Variants in PPFIA3 observed in about 807,000 individuals in gnomAD.
PPFIA3 encodes liprin-alpha-3.
A neutral mutation model predicts 145.8 loss-of-function variants in PPFIA3; 26 were observed. That is an observed-to-expected ratio of 0.18 (90% CI 0.13 to 0.25). The LOEUF (loss-of-function observed/expected upper bound fraction) is 0.25. Ranked by LOEUF, PPFIA3 falls within the 10% of genes least tolerant of loss-of-function variation. PPFIA3 has a pLI of 1.00. For synonymous variants in PPFIA3, 645 were observed against 661.4 expected (o/e 0.98, Z 0.38); for missense variants, 1,008 against 1,587.8 (o/e 0.63, Z 6.21).
chr19:49,148,383 G>C (rs947066585), intron 24 of PPFIA3, 125 bp downstream of exon 24: 2 of 1,108,272 alleles, frequency 1.8e-6, no homozygotes, highest in Non-Finnish European at 1.3e-6. Flanking sequence ...TGAGTTCTCA[G>C]GAAATCCTGA....
chr19:49,126,046 G>A (rs1423791472), intron 1 of PPFIA3, among the ~76,000 whole-genome samples: 2 of 152,122 alleles, frequency 1.3e-5, no homozygotes, highest in Non-Finnish European at 2.9e-5. Context: ...TGCCTCCCGG[G>A]TTCAAGCGAT....
In PPFIA3 at chr19:49,140,538, A is replaced by C. The variant is rs566113782; in HGVS notation, c.2368+450A>C. The stretch of plus-strand genomic sequence containing the variant: ...TAATTTTTTTGTATTTTTAGTAGAG[A>C]TAGGGTTTCCTCATGTTGGCCAGGC... On this transcript the variant is annotated intron_variant, in intron 18 of 29. Coordinates refer to ENST00000334186, the MANE Select transcript of PPFIA3 (RefSeq NM_003660.4). Among the ~76,000 whole-genome samples the C allele has an allele frequency of 9.6e-5, 14 of 146,044 alleles. No individual in the cohort carries two copies. In the East Asian group the frequency reaches 3.0e-3, roughly 31 times the overall value.
chr19:49,128,184 C>T lies in PPFIA3; in HGVS notation c.240+71C>T. ...GGGAAGAAGGCGGTCCGGAAGGGGC[C>T]GGGCTTGGCGCCTGGAAGGGAGGAG... On this transcript the variant is annotated intron_variant, in intron 2 of 29. Coordinates refer to ENST00000334186, the MANE Select transcript of PPFIA3 (RefSeq NM_003660.4). This position sits in a 1 kb window ranked among gnomAD's most constrained non-coding sequence, Gnocchi z 4.1. 6.8e-7 allele frequency: 1 copy of T among 1,465,776 alleles called. No homozygotes were observed. The highest frequency in any genetic ancestry group is 2.5e-5 in the East Asian group (1 of 40,076). The allele number at this position is 1,465,776 out of a possible 1,614,324, so 90.8% of individuals were successfully genotyped here.
In PPFIA3 at chr19:49,120,768, A is replaced by C. The variant is rs982052964; in HGVS notation, c.-16+1046A>C. 6.6e-6 allele frequency among the ~76,000 whole-genome samples: 1 copy of C among 152,170 alleles called. No individual in the cohort carries two copies. The highest frequency in any genetic ancestry group is 1.5e-5 in the Non-Finnish European group (1 of 68,022). On this transcript the variant is annotated intron_variant, in intron 1 of 29. Transcript: ENST00000334186. This position sits in a 1 kb window ranked among gnomAD's most constrained non-coding sequence, Gnocchi z 4.6. ...TTGGGGACCTAAATGTCTTGGTCCC[A>C]GTCTCCTATCCCCTCAGGGACCCAG...
chr19:49,144,517 C>G (rs755729400), intron 21 of PPFIA3, among the ~76,000 whole-genome samples: 1 of 151,868 alleles, frequency 6.6e-6, no homozygotes, highest in Non-Finnish European at 1.5e-5. Context: ...AGTTCGAGAC[C>G]AGCCTGGGCA....
intron 1 of PPFIA3, among the ~76,000 whole-genome samples, chr19:49,122,078 A>ATTTT (rs4002359): frequency 9.1e-5 from 12 of 131,800 alleles, no homozygotes; most frequent in Non-Finnish European, 1.4e-4. Context: ...CCAGATGCCA[A>ATTTT]TTTTTTTTTT....
chr19:49,133,735 G>A lies in PPFIA3; in HGVS notation c.1162-61G>A. Reference sequence around the variant, plus strand: ...CTGGCGCTCAGCCTTGGAGGAGGTGGGGCTGGGAGCCTGACTGATCCTGGA... The same window carrying A: ...CTGGCGCTCAGCCTTGGAGGAGGTGAGGCTGGGAGCCTGACTGATCCTGGA... On this transcript the variant is annotated intron_variant, in intron 9 of 29. Coordinates refer to ENST00000334186, the MANE Select transcript of PPFIA3 (RefSeq NM_003660.4). This position sits in a 1 kb window ranked among gnomAD's most constrained non-coding sequence, Gnocchi z 7.2. The A allele has an allele frequency of 6.5e-7, 1 of 1,541,234 alleles. No homozygotes were observed. Among genetic ancestry groups the A allele is most frequent in the Non-Finnish European group, 8.9e-7 (1 of 1,122,162 alleles).
chr19:49,127,284 A>G (rs2041010818), intron 1 of PPFIA3, among the ~76,000 whole-genome samples: 1 of 142,656 alleles, frequency 7.0e-6, no homozygotes, highest in African/African-American at 2.6e-5. Context: ...CGGGAGGCTG[A>G]GGGAGGAGAA....
chr19:49,138,179 CCA>C, intron 15 of PPFIA3, 24 bp from the exon 16 acceptor site: 2 of 1,543,060 alleles, frequency 1.3e-6, no homozygotes, highest in Non-Finnish European at 1.8e-6. Flanking sequence ...GGCCCCTCAC[CCA>C]GTTTCCCCTA....
rs963335008 is a variant in PPFIA3, at chr19:49,140,799, C to T, written c.2369-621C>T. Among the ~76,000 whole-genome samples, 7 of 151,888 alleles carry T rather than the reference C, an allele frequency of 4.6e-5. No individual in the cohort carries two copies. The East Asian group carries it at 5.8e-4, about 13-fold the overall frequency. Reference sequence around the variant, plus strand: ...CCTCCCCAGTAGCTGGGACTACAGGCGCCCACCACCACGCCCGGCTAACTT... The same window carrying T: ...CCTCCCCAGTAGCTGGGACTACAGGTGCCCACCACCACGCCCGGCTAACTT... On this transcript the variant is annotated intron_variant, in intron 18 of 29. Transcript: ENST00000334186.
At chr19:49,142,180 G>A in intron 20 of PPFIA3, 65 bp downstream of exon 20, 1 of 1,448,854 alleles carries the variant, frequency 6.9e-7, no homozygotes, top group Non-Finnish European at 9.4e-7. Flanking sequence ...CACTGGTAGG[G>A]GCTGCCTGGT....
Position 49,128,339 on chromosome 19 carries a change from T to A in PPFIA3, c.241-28T>A, listed in dbSNP as rs776225177. 8.7e-6 allele frequency: 14 copies of A among 1,610,518 alleles called. No individual in the cohort carries two copies. In the African/African-American group the frequency reaches 1.1e-4, roughly 12 times the overall value. Reference sequence around the variant, plus strand: ...GAGACAGGGAAAGGATTGAGCCGAATGTCCAGATCCTGCCAATGTCTGGAC... The same window carrying A: ...GAGACAGGGAAAGGATTGAGCCGAAAGTCCAGATCCTGCCAATGTCTGGAC... On this transcript the variant is annotated intron_variant, in intron 2 of 29. Transcript: ENST00000334186. This position sits in a 1 kb window ranked among gnomAD's most constrained non-coding sequence, Gnocchi z 4.1.
intron 21 of PPFIA3, among the ~76,000 whole-genome samples, chr19:49,145,010 A>G (rs1222191050): frequency 6.7e-6 from 1 of 148,926 alleles, no homozygotes; most frequent in Non-Finnish European, 1.5e-5. Flanking sequence ...GGCTCACTGC[A>G]ACCTCCGTCT....
intron 1 of PPFIA3, among the ~76,000 whole-genome samples, chr19:49,126,859 C>G (rs1453453456): frequency 6.6e-6 from 1 of 151,988 alleles, no homozygotes; most frequent in Non-Finnish European, 1.5e-5. Context: ...TCTCCACATT[C>G]ACTCATACGA....
In PPFIA3 at chr19:49,133,305, G is replaced by A. The variant is rs1451654939; in HGVS notation, c.1095G>A (p.Leu365=). The part of the protein sequence containing the change: ...DDAKQKLQQT[L]QKAETLPEIE... ...CCAAGCAGAAGCTGCAGCAGACGCT[G>A]CAGAAAGCGGAGACCTTGCCCGAGA... The change falls in exon 9 of 30, where the codon CTG becomes CTA. Residue 365 remains leucine (L), a synonymous_variant. Transcript: ENST00000334186. The surrounding 1 kb of genome is among the most constrained non-coding windows in gnomAD (Gnocchi z 7.2). 1.9e-6 allele frequency: 3 copies of A among 1,610,752 alleles called. No individual in the cohort carries two copies. The highest frequency in any genetic ancestry group is 2.5e-6 in the Non-Finnish European group (3 of 1,179,116).
chr19:49,148,949 C>A, intron 25 of PPFIA3, 44 bp from the exon 26 acceptor site: 1 of 1,604,802 alleles, frequency 6.2e-7, no homozygotes. Context: ...CTGAACTCTC[C>A]AGGCCACGGG....
At chr19:49,146,053 G>C (rs1391977965) in intron 22 of PPFIA3, 48 bp downstream of exon 22, 1 of 1,607,930 alleles carries the variant, frequency 6.2e-7, no homozygotes, top group African/African-American at 1.4e-5. Flanking sequence ...AACCTTCTTT[G>C]GGGGTGGGGG....
At chr19:49,129,334 A>G in intron 4 of PPFIA3, 46 bp from the exon 5 acceptor site, 1 of 1,542,308 alleles carries the variant, frequency 6.5e-7, no homozygotes, top group African/African-American at 1.4e-5. Context: ...ACTGTCCTAA[A>G]CTGGATCTTG....
rs774886152 is a variant in PPFIA3 at position 49,148,750 on chromosome 19, G to A, written c.3096G>A (p.Gln1032=). 4.3e-6 allele frequency: 7 copies of A among 1,613,740 alleles called. No homozygotes were observed. The highest frequency in any genetic ancestry group is 1.7e-4 in the Middle Eastern group (1 of 6,046). The part of the protein sequence containing the change: ...KDLERRREES[Q]TQIRDVMVWS... ...TGGAGCGGAGGCGGGAAGAAAGTCA[G>A]ACCCAGATCCGAGGTGAGTAGAGCC... The change falls in exon 25 of 30, where the codon CAG becomes CAA. Residue 1032 remains glutamine, a synonymous_variant. Transcript: ENST00000334186.
Sources: allele counts gnomAD v4.1 joint callset (sites outside exome capture counted in the v4.1 genomes callset), GRCh38; gene constraint gnomAD v4.1.1; non-coding constraint Gnocchi (gnomAD v3.1); transcripts MANE v1.5; gene names NCBI Gene and HGNC (gene_info 2026-07-23, HGNC 2026-07-21).